Variants in CRACD observed in about 807,000 individuals in gnomAD.
The protein encoded by CRACD is capping protein inhibiting regulator of actin dynamics.
A neutral mutation model predicts 106.8 loss-of-function variants in CRACD; 56 were observed. The observed-to-expected ratio is 0.52, with a 90% CI of 0.42 to 0.66. The LOEUF (loss-of-function observed/expected upper bound fraction) is 0.66. Ranked by LOEUF, CRACD falls within the 30% of genes least tolerant of loss-of-function variation. The pLI, the probability that CRACD is intolerant of heterozygous loss-of-function variation, is 0.00. For missense variants in CRACD, 1,730 were observed against 1,623.2 expected (o/e 1.07, Z -1.13); for synonymous variants, 754 against 670.8 (o/e 1.12, Z -1.92).
chr4:56,125,919 G>A (rs1000657358), intron 1 of CRACD, among the ~76,000 whole-genome samples: 5 of 151,578 alleles, frequency 3.3e-5, no homozygotes, highest in Non-Finnish European at 5.9e-5. Flanking sequence ...TTACAGGTGC[G>A]TGCCACCACA....
chr4:56,312,336 A>G (rs112426260), intron 6 of CRACD, among the ~76,000 whole-genome samples: 9 of 152,120 alleles, frequency 5.9e-5, no homozygotes, highest in African/African-American at 2.2e-4. Context: ...TTATTTTTAA[A>G]GTATTTAGTA....
intron 2 of CRACD, among the ~76,000 whole-genome samples, chr4:56,258,593 A>G (rs968723772): frequency 2.0e-5 from 3 of 152,238 alleles, no homozygotes; most frequent in Admixed American, 6.5e-5. Flanking sequence ...TTGGTTCTGC[A>G]CAATAATGCA....
At chr4:56,051,807 C>T (rs1027323389) in intron 1 of CRACD, among the ~76,000 whole-genome samples, 1 of 152,128 alleles carries the variant, frequency 6.6e-6, no homozygotes, top group Non-Finnish European at 1.5e-5. Context: ...CACAAGTTCT[C>T]GAGGCAGGTG....
intron 2 of CRACD, among the ~76,000 whole-genome samples, chr4:56,231,071 C>A (rs201821357): frequency 7.1e-5 from 9 of 126,882 alleles, no homozygotes; most frequent in Non-Finnish European, 1.1e-4. Flanking sequence ...AACAAACAAA[C>A]AAAAAAATTG....
chr4:56,298,922 G>A (rs1309433692), intron 4 of CRACD, among the ~76,000 whole-genome samples: 1 of 152,072 alleles, frequency 6.6e-6, no homozygotes, highest in Non-Finnish European at 1.5e-5. Flanking sequence ...GACAGAGCAA[G>A]GCTCTCTCCC....
chr4:56,222,486 C>T (rs2109515999), intron 2 of CRACD, among the ~76,000 whole-genome samples: 1 of 152,120 alleles, frequency 6.6e-6, no homozygotes, highest in South Asian at 2.1e-4. Flanking sequence ...GAATTCACCA[C>T]TATATAATAC....
intron 3 of CRACD, among the ~76,000 whole-genome samples, chr4:56,294,345 T>C (rs923251112): frequency 6.6e-6 from 1 of 152,144 alleles, no homozygotes; most frequent in Non-Finnish European, 1.5e-5. Flanking sequence ...ATTAAAAAAT[T>C]AGAAAATAGA....
At chr4:56,079,329 T>A (rs965221333) in intron 1 of CRACD, among the ~76,000 whole-genome samples, 2 of 151,252 alleles carry the variant, frequency 1.3e-5, no homozygotes, top group African/African-American at 2.5e-5. Context: ...TTCAAAAAAA[T>A]TTTAATTGCT....
Position 56,314,378 on chromosome 4 carries a change from G to T in CRACD, c.876G>T (p.Gln292His). The T allele has an allele frequency of 6.5e-7, 1 of 1,533,918 alleles. No individual in the cohort carries two copies. The highest frequency in any genetic ancestry group is 1.4e-5 in the African/African-American group (1 of 71,610). Residue 292 changes from glutamine to histidine, a missense_variant, in exon 8 of 11, where the codon CAG becomes CAT. This residue lies in a region of CRACD where 1,620 missense variants were observed against 1,481.6 expected (regional missense o/e 1.09). Transcript: ENST00000682029. The surrounding 1 kb of genome is among the most constrained non-coding windows in gnomAD (Gnocchi z 4.4). ...AAAGGGCGCCGCGGGAAGAGCAGCA[G>T]CGGAGCCTGGAAGCGCCAGGTTGGG... ...EAERAPREEQ[Q>H]RSLEAPGWED...
chr4:56,171,771 C>T (rs554916825), intron 1 of CRACD, among the ~76,000 whole-genome samples: 9 of 152,178 alleles, frequency 5.9e-5, no homozygotes, highest in East Asian at 1.9e-4. Flanking sequence ...GATCTAGGGG[C>T]GGTGGTGGGG....
intron 7 of CRACD, 119 bp downstream of exon 7, chr4:56,313,498 A>T (rs1381462801): frequency 1.3e-5 from 11 of 822,286 alleles, no homozygotes; most frequent in Non-Finnish European, 2.1e-5. Flanking sequence ...CCCCATCGGG[A>T]ACTTGAGTGT....
intron 1 of CRACD, among the ~76,000 whole-genome samples, chr4:56,093,017 G>A (rs1183200085): frequency 6.6e-6 from 1 of 152,162 alleles, no homozygotes. Context: ...ATTAGTGCGG[G>A]TGCTTTGGAA....
At chr4:56,200,653 A>T (rs1737837624) in intron 2 of CRACD, among the ~76,000 whole-genome samples, 1 of 152,248 alleles carries the variant, frequency 6.6e-6, no homozygotes, top group African/African-American at 2.4e-5. Flanking sequence ...ATATAAAATT[A>T]CTGAGAAATT....
intron 2 of CRACD, among the ~76,000 whole-genome samples, chr4:56,271,137 G>A (rs1742329670): frequency 6.6e-6 from 1 of 150,390 alleles, no homozygotes; most frequent in African/African-American, 2.4e-5. Context: ...TTTAAAAATA[G>A]TTGTCAGACC....
chr4:56,088,672 T>C (rs1560447314), intron 1 of CRACD, among the ~76,000 whole-genome samples: 2 of 152,150 alleles, frequency 1.3e-5, no homozygotes, highest in Non-Finnish European at 2.9e-5. Context: ...CTCTCATCTT[T>C]AAAATGGGCA....
At chr4:56,318,269 T>C (rs1745819222) in intron 8 of CRACD, among the ~76,000 whole-genome samples, 2 of 152,316 alleles carry the variant, frequency 1.3e-5, no homozygotes, top group Middle Eastern at 6.8e-3. Context: ...TAGGTGGGAC[T>C]ACAGGTGTGA....
At chr4:56,104,303 A>C (rs375149984) in intron 1 of CRACD, among the ~76,000 whole-genome samples, 11 of 152,026 alleles carry the variant, frequency 7.2e-5, no homozygotes, top group Non-Finnish European at 1.3e-4. Flanking sequence ...TGGAGGTGGG[A>C]GGATTGCTTG....
chr4:56,314,573 G>A lies in CRACD; in HGVS notation c.1071G>A (p.Glu357=). ...AGGAGGAAGGAAGATGCGCGGAGGA[G>A]CTCAAAAGGCAGGAGGAGGAGGAGG... is the stretch of plus-strand genomic sequence containing the variant. The part of the protein sequence containing the change: ...QEEEEGRCAE[E]LKRQEEEEAE... Residue 357 remains glutamate (E), a synonymous_variant, in exon 8 of 11, where the codon GAG becomes GAA. Coordinates refer to ENST00000682029, the MANE Select transcript of CRACD (RefSeq NM_001393381.1). This position sits in a 1 kb window ranked among gnomAD's most constrained non-coding sequence, Gnocchi z 4.4. 4.0e-6 allele frequency: 6 copies of A among 1,516,570 alleles called. No homozygotes were observed. In the South Asian group the frequency reaches 6.4e-5, roughly 16 times the overall value. 93.9% of individuals were successfully genotyped at this position (1,516,570 alleles called of 1,614,324 possible).
At chr4:56,104,412 AAAAC>A (rs1480606792) in intron 1 of CRACD, among the ~76,000 whole-genome samples, 22 of 152,064 alleles carry the variant, frequency 1.4e-4, no homozygotes, top group Non-Finnish European at 2.4e-4. Flanking sequence ...CAAACACAAA[AAAAC>A]AAACAAAACC....
Sources: gnomAD v4.1 joint callset for allele counts (sites outside exome capture counted in the v4.1 genomes callset) on GRCh38, gnomAD v4.1.1 for gene constraint, gnomAD v4.1.1 regional missense constraint, Gnocchi (gnomAD v3.1) non-coding constraint, MANE v1.5 for transcripts, NCBI Gene and HGNC (gene_info 2026-07-23, HGNC 2026-07-21) for gene names.